Variants in NMNAT2 observed in about 807,000 individuals in gnomAD.
The protein encoded by NMNAT2 is nicotinamide/nicotinic acid mononucleotide adenylyltransferase 2.
A neutral mutation model predicts 41.6 loss-of-function variants in NMNAT2; 11 were observed. The ratio of observed to expected loss-of-function variants is 0.26; its 90% CI spans 0.17 to 0.44. The LOEUF is 0.44. Ranked by LOEUF, NMNAT2 falls within the 20% of genes least tolerant of loss-of-function variation. NMNAT2 has a pLI of 1.00. For missense variants in NMNAT2, 288 were observed against 407.7 expected (o/e 0.71, Z 2.53); for synonymous variants, 148 against 151.2 (o/e 0.98, Z 0.16).
intron 1 of NMNAT2, among the ~76,000 whole-genome samples, chr1:183,307,930 C>A (rs570607759): frequency 6.6e-6 from 1 of 152,102 alleles, no homozygotes; most frequent in Non-Finnish European, 1.5e-5. Flanking sequence ...TTGGGGAGGG[C>A]GCGTGCTGCA....
intron 5 of NMNAT2, 40 bp downstream of exon 5, chr1:183,286,622 G>A (rs1230294487): frequency 6.4e-6 from 10 of 1,550,574 alleles, no homozygotes; most frequent in Non-Finnish European, 8.8e-6. Flanking sequence ...CCCTCCACAT[G>A]ATTCTGAGGT....
chr1:183,300,033 C>T lies in NMNAT2; in HGVS notation c.86-6240G>A, dbSNP rs575139746. Among the ~76,000 whole-genome samples the T allele has an allele frequency of 2.6e-5, 4 of 152,226 alleles. No individual in the cohort carries two copies. The East Asian group carries it at 7.7e-4, about 29-fold the overall frequency. ...GTGACTAGGTCATGAGGATGGAACCCTCGTGGATGGAATTACAGCCCCTAT... is the reference window on the plus strand; with the variant it reads ...GTGACTAGGTCATGAGGATGGAACCTTCGTGGATGGAATTACAGCCCCTAT... On this transcript the variant is annotated intron_variant, in intron 1 of 10. Coordinates refer to ENST00000287713, the MANE Select transcript of NMNAT2 (RefSeq NM_015039.4).
intron 1 of NMNAT2, among the ~76,000 whole-genome samples, chr1:183,318,423 G>A (rs1022235150): frequency 6.6e-6 from 1 of 152,222 alleles, no homozygotes; most frequent in Non-Finnish European, 1.5e-5. Context: ...GGAATGACTT[G>A]AGTTCTGTGC....
At chr1:183,370,102 A>T (rs1433820073) in intron 1 of NMNAT2, among the ~76,000 whole-genome samples, 1 of 151,892 alleles carries the variant, frequency 6.6e-6, no homozygotes, top group Non-Finnish European at 1.5e-5. Context: ...ACCTGATCAG[A>T]AGCAGAAGGG....
At chr1:183,380,757 G>A (rs1312626269) in intron 1 of NMNAT2, among the ~76,000 whole-genome samples, 56 of 152,196 alleles carry the variant, frequency 3.7e-4, no homozygotes, top group Admixed American at 3.7e-3. Flanking sequence ...AAAGCATGAA[G>A]CAAGAGAGGT....
intron 1 of NMNAT2, among the ~76,000 whole-genome samples, chr1:183,311,314 T>C (rs1007016782): frequency 1.5e-4 from 23 of 152,196 alleles, no homozygotes; most frequent in African/African-American, 5.5e-4. Flanking sequence ...AGCCTCTTTC[T>C]CCTTACAGGC....
intron 1 of NMNAT2, among the ~76,000 whole-genome samples, chr1:183,297,496 C>T (rs974327178): frequency 7.3e-5 from 11 of 151,720 alleles, no homozygotes; most frequent in African/African-American, 2.7e-4. Context: ...GATTCTCCTG[C>T]CTCCGCCTCC....
intron 8 of NMNAT2, among the ~76,000 whole-genome samples, chr1:183,276,012 G>A (rs111983090): frequency 6.6e-6 from 1 of 152,146 alleles, no homozygotes; most frequent in Non-Finnish European, 1.5e-5. Flanking sequence ...CAGAAACGGG[G>A]ACTAGTTGGT....
intron 1 of NMNAT2, among the ~76,000 whole-genome samples, chr1:183,376,947 C>A (rs1663692144): frequency 6.6e-6 from 1 of 151,992 alleles, no homozygotes; most frequent in African/African-American, 2.4e-5. Context: ...CTTCAGGAAC[C>A]CCACCAAGGG....
intron 1 of NMNAT2, among the ~76,000 whole-genome samples, chr1:183,392,990 A>T (rs1467666334): frequency 6.6e-6 from 1 of 152,176 alleles, no homozygotes; most frequent in Non-Finnish European, 1.5e-5. Context: ...CTGTAAACAC[A>T]TAAGGGCAAG....
chr1:183,383,069 A>G (rs1167153285), intron 1 of NMNAT2, among the ~76,000 whole-genome samples: 1 of 152,222 alleles, frequency 6.6e-6, no homozygotes, highest in East Asian at 1.9e-4. Flanking sequence ...TCTGAAATCT[A>G]GGCAGAGGCT....
At chr1:183,336,919 T>C (rs947172660) in intron 1 of NMNAT2, among the ~76,000 whole-genome samples, 3 of 152,138 alleles carry the variant, frequency 2.0e-5, no homozygotes, top group African/African-American at 7.2e-5. Context: ...CACAGATAAG[T>C]CTGTTGGGAG....
intron 1 of NMNAT2, among the ~76,000 whole-genome samples, chr1:183,378,776 GCTCATGCTTGTAATC>G (rs1663731948): frequency 6.7e-6 from 1 of 148,428 alleles, no homozygotes; most frequent in African/African-American, 2.5e-5. Context: ...AGGCGAGGTG[GCTCATGCTTGTAATC>G]CCAGCACTTT....
chr1:183,350,816 T>TAA, intron 1 of NMNAT2, among the ~76,000 whole-genome samples: 1 of 152,348 alleles, frequency 6.6e-6, no homozygotes, highest in African/African-American at 2.4e-5. Flanking sequence ...CTCTCTTTTA[T>TAA]AGTTAGGTGA....
At chr1:183,394,027 A>G (rs934672990) in intron 1 of NMNAT2, among the ~76,000 whole-genome samples, 9 of 152,332 alleles carry the variant, frequency 5.9e-5, no homozygotes, top group African/African-American at 9.6e-5. Flanking sequence ...ATCACCTAAA[A>G]TAAGTCAGAG....
In NMNAT2 at chr1:183,315,648, C is replaced by T. The variant is rs988761943; in HGVS notation, c.86-21855G>A. ...AATACAAAAATTAGCCGGGCATGGTCGTGGGCACCTATAATCCCAGCTACA... is the reference window on the plus strand; with the variant it reads ...AATACAAAAATTAGCCGGGCATGGTTGTGGGCACCTATAATCCCAGCTACA... On this transcript the variant is annotated intron_variant, in intron 1 of 10. Transcript: ENST00000287713. Among the ~76,000 whole-genome samples, 6 of 151,732 alleles carry T rather than the reference C, an allele frequency of 4.0e-5. No individual in the cohort carries two copies. The East Asian group carries it at 7.8e-4, about 20-fold the overall frequency.
chr1:183,379,073 T>TATCTAG (rs1553220441), intron 1 of NMNAT2, among the ~76,000 whole-genome samples: 1 of 76,848 alleles, frequency 1.3e-5, no homozygotes. Context: ...TCTATATCTA[T>TATCTAG]ATCTATATCT....
intron 1 of NMNAT2, among the ~76,000 whole-genome samples, chr1:183,324,842 C>T (rs1002260890): frequency 4.6e-5 from 7 of 152,126 alleles, no homozygotes; most frequent in Non-Finnish European, 7.3e-5. Flanking sequence ...TTAAACTCCC[C>T]GGGGGCAGGG....
At chr1:183,414,932 T>C (rs1464847422) in intron 1 of NMNAT2, among the ~76,000 whole-genome samples, 3 of 152,014 alleles carry the variant, frequency 2.0e-5, no homozygotes, top group African/African-American at 7.3e-5. Flanking sequence ...TTTGTGTCTG[T>C]TTTTTAAAAA....
Sources: allele counts gnomAD v4.1 joint callset (sites outside exome capture counted in the v4.1 genomes callset), GRCh38; gene constraint gnomAD v4.1.1; transcripts MANE v1.5; gene names NCBI Gene and HGNC (gene_info 2026-07-23, HGNC 2026-07-21).